PTPRK: variants seen among roughly 807,000 people sequenced by gnomAD.
PTPRK encodes the protein protein tyrosine phosphatase receptor type K.
Under a neutral mutation model 178.0 loss-of-function variants are expected in PTPRK, and 75 were observed. That is an observed-to-expected ratio of 0.42 (90% CI 0.35 to 0.51). The LOEUF (loss-of-function observed/expected upper bound fraction) is 0.51. Among genes scored for constraint, PTPRK ranks in the 20% least tolerant of loss-of-function variants. The probability of loss-of-function intolerance (pLI) is 0.02; values close to 1 mark genes in which losing one functional copy is unlikely to be tolerated. For missense variants in PTPRK, 1,441 were observed against 1,797.8 expected (o/e 0.80, Z 3.59); for synonymous variants, 637 against 620.6 (o/e 1.03, Z -0.39).
chr6:128,058,124 A>G (rs894009409), intron 13 of PTPRK, among the ~76,000 whole-genome samples: 1 of 152,162 alleles, frequency 6.6e-6, no homozygotes, highest in Non-Finnish European at 1.5e-5. Context: ...GTGCTGCTAT[A>G]AATTTTGTAC....
intron 3 of PTPRK, among the ~76,000 whole-genome samples, chr6:128,265,486 G>GT (rs1175612040): frequency 1.3e-5 from 2 of 152,020 alleles, no homozygotes; most frequent in African/African-American, 4.8e-5. Context: ...ACCCTATGAG[G>GT]TAGGGGCAAT....
chr6:128,371,253 T>C (rs1283198201), intron 2 of PTPRK, among the ~76,000 whole-genome samples: 2 of 152,238 alleles, frequency 1.3e-5, no homozygotes, highest in Non-Finnish European at 2.9e-5. Context: ...GTTTGGACTC[T>C]ATCTGTACCA....
chr6:127,997,086 AG>A lies in PTPRK; in HGVS notation c.2680-99del, dbSNP rs947674945. ...CCCAAATAGTAAAAACCACTTTCTC[AG>A]AGAGGAAAGCAGTCCTACAGTAGTA... On this transcript the variant is annotated intron_variant, in intron 16 of 29. Transcript: ENST00000368226. 26 of 1,246,654 alleles carry A rather than the reference AG, an allele frequency of 2.1e-5. No individual in the cohort carries two copies. In the Admixed American group the frequency reaches 4.9e-4, roughly 24 times the overall value. The allele number at this position is 1,246,654 out of a possible 1,614,324, so 77.2% of individuals were successfully genotyped here.
intron 2 of PTPRK, among the ~76,000 whole-genome samples, chr6:128,355,662 C>T (rs1393317061): frequency 6.6e-6 from 1 of 151,954 alleles, no homozygotes; most frequent in East Asian, 1.9e-4. Flanking sequence ...GGGAGGACGG[C>T]GGAGGGATAG....
intron 7 of PTPRK, among the ~76,000 whole-genome samples, chr6:128,116,650 A>G (rs565560045): frequency 2.6e-5 from 4 of 152,248 alleles, no homozygotes; most frequent in Non-Finnish European, 5.9e-5. Flanking sequence ...GCAGTGGATT[A>G]GAGGAGAGTT....
At chr6:128,300,134 C>CG (rs1450070275) in intron 3 of PTPRK, among the ~76,000 whole-genome samples, 1 of 152,104 alleles carries the variant, frequency 6.6e-6, no homozygotes, top group African/African-American at 2.4e-5. Context: ...CTCACCATCA[C>CG]GGGCCAACAG....
chr6:128,378,296 T>G (rs930216686), intron 2 of PTPRK, among the ~76,000 whole-genome samples: 1 of 152,136 alleles, frequency 6.6e-6, no homozygotes, highest in Admixed American at 6.6e-5. Context: ...TTCGGATGTT[T>G]GATGCAGCAT....
At chr6:128,029,024 C>T (rs7341312) in intron 13 of PTPRK, among the ~76,000 whole-genome samples, 22,141 of 151,962 alleles carry the variant, frequency 0.15, 4,446 homozygotes, top group African/African-American at 0.45. Flanking sequence ...TCAACTGATA[C>T]AGTTTGGGTG....
intron 2 of PTPRK, among the ~76,000 whole-genome samples, chr6:128,349,617 C>T (rs1274674026): frequency 4.0e-5 from 6 of 150,876 alleles, no homozygotes; most frequent in Non-Finnish European, 5.9e-5. Flanking sequence ...GAGAGAAAGA[C>T]AGAAACATAT....
intron 7 of PTPRK, among the ~76,000 whole-genome samples, chr6:128,155,388 A>G (rs1324869909): frequency 6.6e-6 from 1 of 151,678 alleles, no homozygotes; most frequent in Non-Finnish European, 1.5e-5. Flanking sequence ...GTCTTTATTC[A>G]TTAGTTGGAA....
At chr6:128,170,341 T>G (rs1800052338) in intron 7 of PTPRK, among the ~76,000 whole-genome samples, 1 of 152,004 alleles carries the variant, frequency 6.6e-6, no homozygotes, top group Non-Finnish European at 1.5e-5. Context: ...AATAGATAAG[T>G]CTATTTCTAT....
chr6:128,292,347 A>C (rs1205691430), intron 3 of PTPRK, among the ~76,000 whole-genome samples: 1 of 152,066 alleles, frequency 6.6e-6, no homozygotes, highest in Non-Finnish European at 1.5e-5. Context: ...AAAAGTCCAA[A>C]TGCATTTTTT....
At chr6:128,100,621 G>T (rs1788625040) in intron 7 of PTPRK, among the ~76,000 whole-genome samples, 1 of 151,806 alleles carries the variant, frequency 6.6e-6, no homozygotes, top group Non-Finnish European at 1.5e-5. Context: ...TGTTTCCTAT[G>T]AAATCTCTTT....
chr6:128,099,115 A>G (rs1224339267), intron 7 of PTPRK, among the ~76,000 whole-genome samples: 2 of 151,676 alleles, frequency 1.3e-5, no homozygotes, highest in East Asian at 3.9e-4. Context: ...GTAGGTATAT[A>G]TAAGAGAATC....
chr6:128,174,853 T>TGCACTCACAGAGCCTAAAA (rs373348528), intron 7 of PTPRK, among the ~76,000 whole-genome samples: 3,329 of 151,966 alleles, frequency 0.022, 104 homozygotes, highest in African/African-American at 0.046. Flanking sequence ...AGATGTTTTG[T>TGCACTCACAGAGCCTAAAA]GCACATCTAT....
At chr6:128,169,569 C>G (rs1387771825) in intron 7 of PTPRK, among the ~76,000 whole-genome samples, 1 of 151,910 alleles carries the variant, frequency 6.6e-6, no homozygotes, top group Admixed American at 6.6e-5. Flanking sequence ...CTGATCTCCA[C>G]AAGTATCACA....
chr6:128,516,232 G>T (rs953317966), intron 1 of PTPRK, among the ~76,000 whole-genome samples: 3 of 152,086 alleles, frequency 2.0e-5, no homozygotes, highest in African/African-American at 7.2e-5. Flanking sequence ...ATTTATTTTT[G>T]AAATTCACTT....
chr6:128,145,351 T>C (rs1796331379), intron 7 of PTPRK, among the ~76,000 whole-genome samples: 1 of 152,106 alleles, frequency 6.6e-6, no homozygotes, highest in Non-Finnish European at 1.5e-5. Context: ...GTATAGATTG[T>C]GGTGATGGGT....
intron 1 of PTPRK, among the ~76,000 whole-genome samples, chr6:128,449,673 T>C (rs1031978976): frequency 6.6e-6 from 1 of 152,114 alleles, no homozygotes; most frequent in Admixed American, 6.5e-5. Flanking sequence ...ATATATAATA[T>C]TTGCATGTGA....
Sources: gnomAD v4.1 joint callset for allele counts (sites outside exome capture counted in the v4.1 genomes callset) on GRCh38, gnomAD v4.1.1 for gene constraint, MANE v1.5 for transcripts, NCBI Gene and HGNC (gene_info 2026-07-23, HGNC 2026-07-21) for gene names.